The following ATF2 variants were observed in gnomAD, a reference collection of about 807,000 sequenced individuals.
ATF2 encodes activating transcription factor 2, also known as cyclic AMP-dependent transcription factor ATF-2.
ATF2 carries 24 observed loss-of-function variants against 60.6 expected under a neutral mutation model. The ratio of observed to expected loss-of-function variants is 0.40; its 90% CI spans 0.29 to 0.56. The LOEUF is 0.56. Ranked by LOEUF, ATF2 falls within the 20% of genes least tolerant of loss-of-function variation. ATF2 has a pLI of 0.54. For synonymous variants in ATF2, 206 were observed against 215.4 expected (o/e 0.96, Z 0.38); for missense variants, 433 against 607.7 (o/e 0.71, Z 3.02).
chr2:175,127,849 G>A (rs1391822358), intron 4 of ATF2, among the ~76,000 whole-genome samples: 6 of 152,010 alleles, frequency 3.9e-5, no homozygotes, highest in East Asian at 1.9e-4. Context: ...TGTTTACCTC[G>A]CTCTACATCA....
intron 10 of ATF2, among the ~76,000 whole-genome samples, chr2:175,097,925 T>C (rs1256288983): frequency 2.6e-5 from 4 of 152,148 alleles, no homozygotes; most frequent in Non-Finnish European, 4.4e-5. Flanking sequence ...TCTAGTTCTC[T>C]TTTGCTGTTG....
intron 4 of ATF2, among the ~76,000 whole-genome samples, chr2:175,123,306 T>C (rs1534691): frequency 0.74 from 112,492 of 151,920 alleles, 42,613 homozygotes; most frequent in East Asian, 0.87. Flanking sequence ...TTTAAATATA[T>C]GTGTCTTACA....
intron 10 of ATF2, among the ~76,000 whole-genome samples, chr2:175,106,209 C>G (rs1291332164): frequency 1.3e-5 from 2 of 152,162 alleles, no homozygotes; most frequent in Admixed American, 1.3e-4. Context: ...ACCTCTCTCT[C>G]TAACAAAAAC....
At chr2:175,095,226 T>G (rs949824731) in intron 11 of ATF2, among the ~76,000 whole-genome samples, 1 of 151,928 alleles carries the variant, frequency 6.6e-6, no homozygotes, top group Non-Finnish European at 1.5e-5. Flanking sequence ...GCCTCCCGAG[T>G]AGCTCGGATT....
intron 1 of ATF2, among the ~76,000 whole-genome samples, chr2:175,166,129 T>C (rs551285783): frequency 6.6e-6 from 1 of 152,302 alleles, no homozygotes; most frequent in South Asian, 2.1e-4. Context: ...CCCGGAGCTA[T>C]AGAAGGTATT....
At chr2:175,082,283 T>C (rs984041928) in intron 12 of ATF2, among the ~76,000 whole-genome samples, 1 of 152,170 alleles carries the variant, frequency 6.6e-6, no homozygotes, top group Non-Finnish European at 1.5e-5. Context: ...TTAAATGATT[T>C]AGAATATTGT....
At chr2:175,114,374 T>G in intron 8 of ATF2, 2 of 1,259,940 alleles carry the variant, frequency 1.6e-6, no homozygotes, top group Non-Finnish European at 2.0e-6. Context: ...ATCAGAGAGC[T>G]CTTGGGAGCT....
At chr2:175,149,643 A>G (rs1699179325) in intron 2 of ATF2, among the ~76,000 whole-genome samples, 1 of 152,170 alleles carries the variant, frequency 6.6e-6, no homozygotes, top group African/African-American at 2.4e-5. Flanking sequence ...TACTATCAAA[A>G]TGAGAGTCAA....
chr2:175,141,033 A>ATATATATG (rs1698495414), intron 2 of ATF2, among the ~76,000 whole-genome samples: 1 of 88,112 alleles, frequency 1.1e-5, no homozygotes, highest in African/African-American at 4.2e-5. Flanking sequence ...AAAAAAAAAT[A>ATATATATG]TATATATATA....
chr2:175,113,515 G>A (rs888525158), intron 9 of ATF2, among the ~76,000 whole-genome samples: 10 of 151,850 alleles, frequency 6.6e-5, no homozygotes, highest in African/African-American at 2.2e-4. Flanking sequence ...ACTTTTTTGC[G>A]GGGTCTTTTC....
chr2:175,152,191 T>C (rs987731612), intron 1 of ATF2, among the ~76,000 whole-genome samples: 1 of 152,172 alleles, frequency 6.6e-6, no homozygotes, highest in Non-Finnish European at 1.5e-5. Context: ...TGGAGATGGC[T>C]TGGCAAACTA....
At chr2:175,095,619 A>T (rs1192605900) in intron 11 of ATF2, among the ~76,000 whole-genome samples, 1 of 152,192 alleles carries the variant, frequency 6.6e-6, no homozygotes, top group African/African-American at 2.4e-5. Flanking sequence ...TTCTCTCCCC[A>T]TGTCTATTAA....
chr2:175,155,566 G>A (rs1699617820), intron 1 of ATF2, among the ~76,000 whole-genome samples: 2 of 151,952 alleles, frequency 1.3e-5, no homozygotes, highest in Non-Finnish European at 2.9e-5. Flanking sequence ...GTCCAGAGAG[G>A]GAGTTCCGCA....
chr2:175,101,878 T>C (rs895726116), intron 10 of ATF2, among the ~76,000 whole-genome samples: 6 of 152,190 alleles, frequency 3.9e-5, no homozygotes, highest in African/African-American at 9.7e-5. Flanking sequence ...TAAGGGTTAA[T>C]TAACACTGTT....
intron 12 of ATF2, among the ~76,000 whole-genome samples, chr2:175,087,588 T>C (rs1165633189): frequency 6.6e-6 from 1 of 152,164 alleles, no homozygotes; most frequent in Non-Finnish European, 1.5e-5. Context: ...TTATGATCTT[T>C]GACTTTCTAC....
Position 175,074,780 on chromosome 2 carries a change from T to A in ATF2, c.1347A>T (p.Thr449=). Residue 449 remains threonine (T), a synonymous_variant, in exon 14 of 14, where the codon ACA becomes ACT. Transcript: ENST00000264110. ...TGACCGAACTATGCTGTATAGCTTC[T>A]GTATGTGGACTACTCGGCACTGAAA... is the stretch of plus-strand genomic sequence containing the variant. The part of the protein sequence containing the change: ...EDISVPSSPH[T]EAIQHSSVST... 6.2e-7 allele frequency: 1 copy of A among 1,613,638 alleles called. No individual in the cohort carries two copies. The highest frequency in any genetic ancestry group is 8.5e-7 in the Non-Finnish European group (1 of 1,179,702).
chr2:175,075,584 C>T (rs1252175350), intron 13 of ATF2, among the ~76,000 whole-genome samples: 1 of 152,056 alleles, frequency 6.6e-6, no homozygotes, highest in East Asian at 1.9e-4. Context: ...TTTAATAGAA[C>T]AGAATCCAGT....
chr2:175,167,275 A>C (rs1346309353), intron 1 of ATF2, among the ~76,000 whole-genome samples: 1 of 152,022 alleles, frequency 6.6e-6, no homozygotes, highest in Non-Finnish European at 1.5e-5. Context: ...CATTGATGAA[A>C]AGCAAATTAT....
At chr2:175,096,665 T>C (rs1298102710) in intron 11 of ATF2, among the ~76,000 whole-genome samples, 1 of 152,202 alleles carries the variant, frequency 6.6e-6, no homozygotes, top group Non-Finnish European at 1.5e-5. Flanking sequence ...TGAAATATGA[T>C]ATGCATTGTA....
Sources: gnomAD v4.1 joint callset for allele counts (sites outside exome capture counted in the v4.1 genomes callset) on GRCh38, gnomAD v4.1.1 for gene constraint, MANE v1.5 for transcripts, NCBI Gene and HGNC (gene_info 2026-07-23, HGNC 2026-07-21) for gene names.